Variants in SLC25A51 observed in about 807,000 individuals in gnomAD.
The protein encoded by SLC25A51 is solute carrier family 25 member 51.
In SLC25A51, 11 loss-of-function variants were observed where a neutral mutation model predicts 19.1. That is an observed-to-expected ratio of 0.58 (90% CI 0.36 to 0.96). The LOEUF (loss-of-function observed/expected upper bound fraction) is 0.96. Ranked by LOEUF, SLC25A51 falls within the 40% of genes least tolerant of loss-of-function variation. SLC25A51 has a pLI of 0.01. For synonymous variants in SLC25A51, 105 were observed against 133.6 expected, an observed-to-expected ratio of 0.79 and a Z score of 1.47; for missense variants, 201 against 365.4, an observed-to-expected ratio of 0.55 and a Z score of 3.67.
rs2118375669 is a variant in SLC25A51 at position 37,899,890 on chromosome 9, T to C, written c.-104A>G. 6.1e-6 allele frequency: 1 copy of C among 163,488 alleles called. No homozygotes were observed. The highest frequency in any genetic ancestry group is 6.6e-5 in the Admixed American group (1 of 15,246). The allele number at this position is 163,488 out of a possible 1,614,324, so 10.1% of individuals were successfully genotyped here. On this transcript the variant is annotated 5_prime_UTR_variant, in exon 2 of 3. Coordinates refer to ENST00000242275, the MANE Select transcript of SLC25A51 (RefSeq NM_033412.4). ...GCTTTGTGATAATGTTCCCAATTTC[T>C]TCCATTGTTATTGTTCTGTTAGGTT...
intron 1 of SLC25A51, 146 bp downstream of exon 1, chr9:37,903,922 C>T (rs115056288): frequency 0.022 from 3,289 of 151,778 alleles, 66 homozygotes; most frequent in East Asian, 0.076. Context: ...CCGCAGGGAC[C>T]GGGCCAGGGC....
chr9:37,886,391 G>C, downstream of SLC25A51: 4 of 1,590,380 alleles, frequency 2.5e-6, no homozygotes, highest in Non-Finnish European at 2.6e-6. Context: ...GGATAAATAA[G>C]ATCCTCACTT....
downstream of SLC25A51, chr9:37,885,919 C>T: frequency 1.9e-6 from 3 of 1,606,250 alleles, no homozygotes; most frequent in Non-Finnish European, 2.6e-6. Context: ...ATATCAAGTA[C>T]TTCAATGATA....
chr9:37,881,572 A>T (rs1831350698), exon 3 of SLC25A51: 1 of 152,178 alleles, frequency 6.6e-6, no homozygotes, highest in Admixed American at 6.5e-5. Flanking sequence ...GAGCCCAGGA[A>T]GTCAAGGCTA....
At chr9:37,885,745 T>C (rs1320362874), downstream of SLC25A51, 8 of 1,472,658 alleles carry the variant, frequency 5.4e-6, no homozygotes, top group South Asian at 1.1e-5. Flanking sequence ...CGCAGATCCA[T>C]CACTGTGGAG....
At chr9:37,891,902 A>C (rs1248844261) in intron 2 of SLC25A51, among the ~76,000 whole-genome samples, 2 of 148,510 alleles carry the variant, frequency 1.3e-5, no homozygotes, top group African/African-American at 4.9e-5. Context: ...CTACTTTAAA[A>C]AAAAAAAAAA....
intron 2 of SLC25A51, among the ~76,000 whole-genome samples, chr9:37,892,176 C>T (rs984713890): frequency 3.9e-5 from 6 of 152,134 alleles, no homozygotes; most frequent in African/African-American, 1.4e-4. Flanking sequence ...AATAATTAGA[C>T]AACAGGGAGA....
At chr9:37,901,667 G>C (rs1426538965) in intron 1 of SLC25A51, among the ~76,000 whole-genome samples, 1 of 152,034 alleles carries the variant, frequency 6.6e-6, no homozygotes, top group Non-Finnish European at 1.5e-5. Flanking sequence ...GTAAAAATAA[G>C]ATTAAAGGGA....
intron 1 of SLC25A51, chr9:37,903,830 C>T (rs1327129379): frequency 6.6e-6 from 1 of 152,312 alleles, no homozygotes; most frequent in African/African-American, 2.4e-5. Context: ...GCCCAGCAGC[C>T]GGACAAACAC....
intron 2 of SLC25A51, among the ~76,000 whole-genome samples, chr9:37,898,322 G>C (rs982751555): frequency 6.6e-6 from 1 of 152,224 alleles, no homozygotes; most frequent in Non-Finnish European, 1.5e-5. Context: ...TTGGGAGGCT[G>C]AGACGGGTGG....
chr9:37,878,977 A>T, downstream of SLC25A51: 1 of 237,994 alleles, frequency 4.2e-6, no homozygotes, highest in South Asian at 6.8e-5. Flanking sequence ...GTAAGGAAAA[A>T]CTTTGCGTGG....
chr9:37,886,166 T>C (rs1831452407), downstream of SLC25A51: 1 of 1,464,430 alleles, frequency 6.8e-7, no homozygotes, highest in Non-Finnish European at 9.6e-7. Context: ...CCTGATCCTG[T>C]TCCAAGGTGG....
chr9:37,891,722 A>AGGCC (rs1390595491), intron 2 of SLC25A51, among the ~76,000 whole-genome samples: 1 of 152,120 alleles, frequency 6.6e-6, no homozygotes, highest in Non-Finnish European at 1.5e-5. Context: ...ACACTGCGGA[A>AGGCC]GGCCGCAGGG....
chr9:37,882,792 C>T (rs968071652), downstream of SLC25A51, among the ~76,000 whole-genome samples: 4 of 152,130 alleles, frequency 2.6e-5, no homozygotes, highest in Non-Finnish European at 4.4e-5. Context: ...GTGCCACAGA[C>T]GTAACAGAAA....
Position 37,890,533 on chromosome 9 carries a change from G to A in SLC25A51, c.-42-1941C>T, listed in dbSNP as rs116462560. 5.3e-3 allele frequency among the ~76,000 whole-genome samples: 807 copies of A among 152,206 alleles called. 5 individuals are homozygous for A. Among genetic ancestry groups the A allele is most frequent in the African/African-American group, 0.018 (768 of 41,534 alleles). ...AGCCTGGGCAACATAGTGAGACTCT[G>A]CCTCTACAAAAATCAAAATAAATTT... On this transcript the variant is annotated intron_variant, in intron 2 of 2. Coordinates refer to ENST00000242275, the MANE Select transcript of SLC25A51 (RefSeq NM_033412.4).
At chr9:37,896,002 C>T (rs1285823149) in intron 2 of SLC25A51, among the ~76,000 whole-genome samples, 2 of 151,970 alleles carry the variant, frequency 1.3e-5, no homozygotes, top group Admixed American at 6.6e-5. Context: ...TTAGTAAAGA[C>T]AAGGTTTTGC....
chr9:37,903,503 C>A (rs766257813), intron 1 of SLC25A51: 4 of 152,258 alleles, frequency 2.6e-5, no homozygotes, highest in Non-Finnish European at 4.4e-5. Flanking sequence ...GCAGAACAAG[C>A]ACTGCCAGGC....
chr9:37,902,431 T>C (rs1011003069), intron 1 of SLC25A51, among the ~76,000 whole-genome samples: 4 of 152,200 alleles, frequency 2.6e-5, no homozygotes, highest in African/African-American at 9.6e-5. Flanking sequence ...AAAAATGTTA[T>C]GAAACCCTCC....
At chr9:37,889,868 C>T (rs1334420798) in intron 2 of SLC25A51, among the ~76,000 whole-genome samples, 1 of 151,668 alleles carries the variant, frequency 6.6e-6, no homozygotes, top group Non-Finnish European at 1.5e-5. Context: ...AATCCAGATC[C>T]AAATAGCTGG....
Sources: allele counts gnomAD v4.1 joint callset (sites outside exome capture counted in the v4.1 genomes callset), GRCh38; gene constraint gnomAD v4.1.1; transcripts MANE v1.5; gene names NCBI Gene and HGNC (gene_info 2026-07-23, HGNC 2026-07-21).